BCAR3: variants seen among roughly 807,000 people sequenced by gnomAD.
The protein encoded by BCAR3 is breast cancer anti-estrogen resistance protein 3.
BCAR3 carries 37 observed loss-of-function variants against 80.1 expected under a neutral mutation model. That is an observed-to-expected ratio of 0.46 (90% CI 0.36 to 0.61). The LOEUF is 0.61. Among genes scored for constraint, BCAR3 ranks in the 20% least tolerant of loss-of-function variants. The pLI is 0.00. For synonymous variants in BCAR3, 389 were observed against 418.9 expected (o/e 0.93, Z 0.87); for missense variants, 978 against 1,068.2 (o/e 0.92, Z 1.18).
At chr1:93,594,128 A>G (rs1334926871) in intron 3 of BCAR3, among the ~76,000 whole-genome samples, 1 of 152,120 alleles carries the variant, frequency 6.6e-6, no homozygotes, top group African/African-American at 2.4e-5. Context: ...CTTGCCTCCC[A>G]CTAGACTGTA....
At chr1:93,670,716 G>C (rs1648161744) in intron 2 of BCAR3, among the ~76,000 whole-genome samples, 1 of 151,848 alleles carries the variant, frequency 6.6e-6, no homozygotes, top group Non-Finnish European at 1.5e-5. Flanking sequence ...TCTCACACAG[G>C]GTTACAATGT....
intron 1 of BCAR3, chr1:93,846,752 C>G: frequency 4.9e-6 from 2 of 405,002 alleles, no homozygotes; most frequent in South Asian, 1.7e-5. Flanking sequence ...CCCGGGCGCG[C>G]GGGCTCGGGG....
intron 9 of BCAR3, among the ~76,000 whole-genome samples, chr1:93,571,202 T>TAAA (rs57983230): frequency 1.1e-4 from 16 of 140,592 alleles, no homozygotes; most frequent in African/African-American, 4.2e-4. Context: ...AGACTTCGTT[T>TAAA]AAAAAAAAAA....
intron 2 of BCAR3, among the ~76,000 whole-genome samples, chr1:93,844,152 C>A (rs1352928121): frequency 6.6e-6 from 1 of 152,070 alleles, no homozygotes; most frequent in African/African-American, 2.4e-5. Flanking sequence ...ATTAAAAATA[C>A]AAAAATTAGC....
At chr1:93,708,660 A>G (rs974033033) in intron 2 of BCAR3, among the ~76,000 whole-genome samples, 4 of 152,182 alleles carry the variant, frequency 2.6e-5, no homozygotes, top group Admixed American at 6.5e-5. Context: ...TTCACTCTTC[A>G]ATCTTTTCAA....
At chr1:93,672,288 C>G (rs1180800965) in intron 2 of BCAR3, among the ~76,000 whole-genome samples, 4 of 152,130 alleles carry the variant, frequency 2.6e-5, no homozygotes, top group Non-Finnish European at 5.9e-5. Flanking sequence ...AGAACTTCCC[C>G]AAGATAGGAA....
At chr1:93,646,300 G>A (rs1676145501) in intron 2 of BCAR3, among the ~76,000 whole-genome samples, 2 of 151,948 alleles carry the variant, frequency 1.3e-5, no homozygotes, top group Admixed American at 6.6e-5. Context: ...AATAAATAAG[G>A]TGGCTTTAAA....
rs1042996465 is a variant in BCAR3 at position 93,715,399 on chromosome 1, C to T, written c.-62-9257G>A. ...AGATTGCCTTGGAGATTTTCATCTA[C>T]CCCTTTGCAGTAGGCAGGACCATTT... On this transcript the variant is annotated intron_variant, in intron 2 of 13. Transcript: ENST00000370244. Among the ~76,000 whole-genome samples, 65 of 152,172 alleles carry T rather than the reference C, an allele frequency of 4.3e-4. 1 individual carries two copies. Among genetic ancestry groups the T allele is most frequent in the Non-Finnish European group, 1.6e-4 (11 of 68,030 alleles).
intron 5 of BCAR3, among the ~76,000 whole-genome samples, chr1:93,587,035 A>G (rs1214786083): frequency 1.3e-5 from 2 of 152,168 alleles, no homozygotes; most frequent in African/African-American, 4.8e-5. Flanking sequence ...TCGGCCTCCC[A>G]AATTGTTGGG....
chr1:93,763,186 C>T (rs1313039358), intron 2 of BCAR3, among the ~76,000 whole-genome samples: 1 of 152,170 alleles, frequency 6.6e-6, no homozygotes, highest in African/African-American at 2.4e-5. Flanking sequence ...ACCTCAGCCT[C>T]CAGAGTAGCT....
chr1:93,710,728 C>T (rs561292318), intron 2 of BCAR3, among the ~76,000 whole-genome samples: 120 of 152,362 alleles, frequency 7.9e-4, no homozygotes, highest in African/African-American at 2.8e-3. Flanking sequence ...ATCCCCTCCC[C>T]CTGCTTTATC....
At chr1:93,790,634 A>ATTTTTTTTTTTTTTTATTTT (rs67196746) in intron 2 of BCAR3, among the ~76,000 whole-genome samples, 1 of 107,426 alleles carries the variant, frequency 9.3e-6, no homozygotes, top group African/African-American at 4.1e-5. Flanking sequence ...TTTTGTATTC[A>ATTTTTTTTTTTTTTTATTTT]TTTTTTTTTT....
intron 2 of BCAR3, among the ~76,000 whole-genome samples, chr1:93,760,260 T>C (rs1283254071): frequency 2.6e-5 from 4 of 152,254 alleles, no homozygotes; most frequent in African/African-American, 9.6e-5. Flanking sequence ...AAAAGAAAGA[T>C]TAGAATCAAA....
In BCAR3 at chr1:93,589,091, T is replaced by C; in HGVS notation, c.815A>G (p.Gln272Arg). 1 of 1,612,590 alleles carries C rather than the reference T, an allele frequency of 6.2e-7. No individual in the cohort carries two copies. Among genetic ancestry groups the C allele is most frequent in the Non-Finnish European group, 8.5e-7 (1 of 1,179,198 alleles). Residue 272 changes from glutamine to arginine, a missense_variant, in exon 5 of 12, where the codon CAG (glutamine) becomes CGG (arginine). Gln to Arg is a conservative substitution (Grantham distance 43). Transcript: ENST00000260502. Reference sequence around the variant, plus strand: ...CTTGGTGAGGCTGCCCTCCCGGGCCTGGCCTGGGGAGGTGCCATAATGCTC... The same window carrying C: ...CTTGGTGAGGCTGCCCTCCCGGGCCCGGCCTGGGGAGGTGCCATAATGCTC... Reference protein sequence around the residue: ...LEEHYGTSPGQAREGSLTKGR... With the variant: ...LEEHYGTSPGRAREGSLTKGR...
intron 9 of BCAR3, among the ~76,000 whole-genome samples, chr1:93,569,507 A>G (rs1673118608): frequency 6.6e-6 from 1 of 152,252 alleles, no homozygotes; most frequent in Admixed American, 6.5e-5. Flanking sequence ...TTTCTGAAAG[A>G]AGCCTCTGGG....
At chr1:93,583,822 A>G (rs1673825853) in intron 6 of BCAR3, among the ~76,000 whole-genome samples, 196 bp downstream of exon 6, 1 of 152,150 alleles carries the variant, frequency 6.6e-6, no homozygotes, top group South Asian at 2.1e-4. Context: ...GCTTGCTACG[A>G]GGCCTAAAAG....
intron 3 of BCAR3, among the ~76,000 whole-genome samples, chr1:93,615,044 G>A (rs1570971518): frequency 7.5e-6 from 1 of 134,162 alleles, no homozygotes; most frequent in South Asian, 2.3e-4. Flanking sequence ...CCAGATTTCT[G>A]CCTGTAGCTC....
chr1:93,651,974 T>C (rs1676340129), intron 2 of BCAR3, among the ~76,000 whole-genome samples: 1 of 152,216 alleles, frequency 6.6e-6, no homozygotes, highest in African/African-American at 2.4e-5. Flanking sequence ...CGGTGCTCTC[T>C]GGCAGTGAGG....
intron 2 of BCAR3, among the ~76,000 whole-genome samples, chr1:93,797,901 A>C (rs1653337740): frequency 6.6e-5 from 10 of 152,206 alleles, no homozygotes; most frequent in Admixed American, 6.5e-4. Flanking sequence ...ATCATAACCA[A>C]TACATATTTA....
Sources: gnomAD v4.1 joint callset for allele counts (sites outside exome capture counted in the v4.1 genomes callset) on GRCh38, gnomAD v4.1.1 for gene constraint, MANE v1.5 for transcripts, NCBI Gene and HGNC (gene_info 2026-07-23, HGNC 2026-07-21) for gene names.